LRRIQ3: variants seen among roughly 807,000 people sequenced by gnomAD.
The protein encoded by LRRIQ3 is leucine rich repeats and IQ motif containing 3.
In LRRIQ3, 75 loss-of-function variants were observed where a neutral mutation model predicts 59.3. That is an observed-to-expected ratio of 1.26 (90% CI 1.05 to 1.53). The LOEUF is 1.53. LRRIQ3 is among the 40% of genes most tolerant of loss of function. The pLI is 0.00. For synonymous variants in LRRIQ3, 250 were observed against 231.3 expected, an observed-to-expected ratio of 1.08 and a Z score of -0.73; for missense variants, 831 against 710.0, an observed-to-expected ratio of 1.17 and a Z score of -1.94.
In LRRIQ3 at chr1:74,026,091, T is replaced by C. The variant is rs903537064; in HGVS notation, c.*722A>G. On this transcript the variant is annotated 3_prime_UTR_variant, in exon 8 of 8. Coordinates refer to ENST00000354431, the MANE Select transcript of LRRIQ3 (RefSeq NM_001105659.2). ...GTATTAAACAGACTTATGGTTAATATATACCATTTCTGTATATTTTATGAT... is the reference window on the plus strand; with the variant it reads ...GTATTAAACAGACTTATGGTTAATACATACCATTTCTGTATATTTTATGAT... 1 of 151,994 alleles carries C rather than the reference T, an allele frequency of 6.6e-6. No homozygotes were observed. The highest frequency in any genetic ancestry group is 1.5e-5 in the Non-Finnish European group (1 of 67,912). 9.4% of individuals were successfully genotyped at this position (151,994 alleles called of 1,614,324 possible).
intron 6 of LRRIQ3, among the ~76,000 whole-genome samples, chr1:74,048,008 T>C (rs955443187): frequency 6.6e-6 from 1 of 152,178 alleles, no homozygotes; most frequent in African/African-American, 2.4e-5. Flanking sequence ...CACAGCAAGA[T>C]GGTGGTTTTC....
chr1:74,087,704 TTAAG>T (rs1646344442), intron 5 of LRRIQ3, among the ~76,000 whole-genome samples: 1 of 152,058 alleles, frequency 6.6e-6, no homozygotes, highest in African/African-American at 2.4e-5. Flanking sequence ...CTACGGACCT[TTAAG>T]TATATGAGCA....
intron 4 of LRRIQ3, among the ~76,000 whole-genome samples, chr1:74,143,308 A>G (rs1376982512): frequency 1.3e-5 from 2 of 151,996 alleles, no homozygotes; most frequent in Non-Finnish European, 2.9e-5. Context: ...TAATAAAGAT[A>G]GTTTTTGGTT....
At position 74,109,433 on chromosome 1, in the gene LRRIQ3, A is replaced by G; in HGVS notation, c.828T>C (p.Pro276=). The change falls in exon 5 of 8, where the codon CCT becomes CCC. Residue 276 remains proline, a synonymous_variant. Coordinates refer to ENST00000354431, the MANE Select transcript of LRRIQ3 (RefSeq NM_001105659.2). ...CAAGCTTTCCTTTTATATTAGTTTC[A>G]GGTTTGAAAAAGAGATCCTTAAGGA... ...DKLLKDLFFK[P]ETNIKGKLAY... is the part of the protein sequence containing the mutation. The G allele has an allele frequency of 6.4e-7, 1 of 1,562,718 alleles. No homozygotes were observed. Among genetic ancestry groups the G allele is most frequent in the Admixed American group, 1.9e-5 (1 of 53,256 alleles).
At chr1:74,095,811 A>C (rs543660093) in intron 5 of LRRIQ3, among the ~76,000 whole-genome samples, 1 of 152,200 alleles carries the variant, frequency 6.6e-6, no homozygotes, top group African/African-American at 2.4e-5. Flanking sequence ...TTACTTTACA[A>C]TCATATAGTT....
At chr1:74,058,086 G>C (rs188600451) in intron 6 of LRRIQ3, among the ~76,000 whole-genome samples, 3 of 152,026 alleles carry the variant, frequency 2.0e-5, no homozygotes, top group Non-Finnish European at 2.9e-5. Flanking sequence ...ATACTAGTGA[G>C]AACACAGCTA....
chr1:74,151,103 C>G (rs959850363), intron 4 of LRRIQ3, among the ~76,000 whole-genome samples: 2 of 149,540 alleles, frequency 1.3e-5, no homozygotes, highest in African/African-American at 4.9e-5. Context: ...CTACAACCTC[C>G]GCCTCCTGGG....
chr1:74,178,233 T>G (rs1649763434), intron 3 of LRRIQ3, among the ~76,000 whole-genome samples: 1 of 151,968 alleles, frequency 6.6e-6, no homozygotes, highest in Non-Finnish European at 1.5e-5. Flanking sequence ...TTACATTCAT[T>G]TATAATACAC....
intron 6 of LRRIQ3, among the ~76,000 whole-genome samples, chr1:74,072,739 GA>G (rs1248667031): frequency 2.0e-5 from 3 of 151,530 alleles, no homozygotes; most frequent in Non-Finnish European, 2.9e-5. Context: ...GAACCATTTT[GA>G]AAAAAAATTT....
chr1:74,135,367 C>T (rs993671830), intron 4 of LRRIQ3, among the ~76,000 whole-genome samples: 9 of 151,890 alleles, frequency 5.9e-5, no homozygotes, highest in Admixed American at 2.6e-4. Context: ...AATCAACAAA[C>T]ATATAGCAAA....
chr1:74,081,906 T>C (rs1646276993), intron 5 of LRRIQ3: 1 of 151,542 alleles, frequency 6.6e-6, no homozygotes, highest in South Asian at 2.1e-4. Flanking sequence ...CATAGTTATG[T>C]CCATTGCTCA....
chr1:74,040,662 G>A (rs1654016125), intron 7 of LRRIQ3, among the ~76,000 whole-genome samples: 2 of 152,294 alleles, frequency 1.3e-5, no homozygotes, highest in Non-Finnish European at 2.9e-5. Flanking sequence ...CAATTACATG[G>A]AAATTGAACA....
At chr1:74,096,692 G>T (rs1646453722) in intron 5 of LRRIQ3, among the ~76,000 whole-genome samples, 1 of 151,940 alleles carries the variant, frequency 6.6e-6, no homozygotes, top group African/African-American at 2.4e-5. Flanking sequence ...TCTACCTTTG[G>T]TCTTTGATGA....
At chr1:74,156,234 C>A (rs2100669088) in intron 3 of LRRIQ3, among the ~76,000 whole-genome samples, 1 of 152,190 alleles carries the variant, frequency 6.6e-6, no homozygotes, top group South Asian at 2.1e-4. Flanking sequence ...TGTGACTTGC[C>A]TGCCTCCCAT....
At chr1:74,192,642 C>T (rs1446831706) in intron 1 of LRRIQ3, among the ~76,000 whole-genome samples, 1 of 151,890 alleles carries the variant, frequency 6.6e-6, no homozygotes, top group Non-Finnish European at 1.5e-5. Context: ...TCACCTCTGC[C>T]AACAATATGT....
chr1:74,105,443 G>A (rs972108189), intron 5 of LRRIQ3, among the ~76,000 whole-genome samples: 1 of 151,676 alleles, frequency 6.6e-6, no homozygotes, highest in South Asian at 2.1e-4. Flanking sequence ...GTAGAGATGG[G>A]GGTCTCACAA....
At chr1:74,064,851 A>G (rs1654824625) in intron 6 of LRRIQ3, among the ~76,000 whole-genome samples, 1 of 152,042 alleles carries the variant, frequency 6.6e-6, no homozygotes, top group Non-Finnish European at 1.5e-5. Context: ...TACTACTTTC[A>G]AAATTCTATC....
At chr1:74,031,648 A>T (rs945060204) in intron 7 of LRRIQ3, among the ~76,000 whole-genome samples, 1 of 151,784 alleles carries the variant, frequency 6.6e-6, no homozygotes, top group Non-Finnish European at 1.5e-5. Context: ...GCATTAGGAG[A>T]TATACCTAAT....
At chr1:74,090,042 A>T (rs1421700683) in intron 5 of LRRIQ3, among the ~76,000 whole-genome samples, 1 of 152,118 alleles carries the variant, frequency 6.6e-6, no homozygotes, top group Non-Finnish European at 1.5e-5. Flanking sequence ...TTCTAGTGGT[A>T]ACTCAAGAAT....
Sources: gnomAD v4.1 joint callset for allele counts (sites outside exome capture counted in the v4.1 genomes callset) on GRCh38, gnomAD v4.1.1 for gene constraint, MANE v1.5 for transcripts, NCBI Gene and HGNC (gene_info 2026-07-23, HGNC 2026-07-21) for gene names.